Variants in DGKB observed in about 807,000 individuals in gnomAD.
DGKB encodes 90 kDa diacylglycerol kinase.
DGKB carries 67 observed loss-of-function variants against 114.3 expected under a neutral mutation model. The ratio of observed to expected loss-of-function variants is 0.59; its 90% CI spans 0.48 to 0.72. The LOEUF (loss-of-function observed/expected upper bound fraction) is 0.72, where lower values mean the gene tolerates loss of function less well. Among genes scored for constraint, DGKB ranks in the 30% least tolerant of loss-of-function variants. The pLI is 0.00. For missense variants in DGKB, 907 were observed against 975.2 expected, an observed-to-expected ratio of 0.93 and a Z score of 0.93; for synonymous variants, 398 against 323.1, an observed-to-expected ratio of 1.23 and a Z score of -2.49.
At chr7:14,814,787 A>G (rs970475560) in intron 2 of DGKB, among the ~76,000 whole-genome samples, 14 of 152,098 alleles carry the variant, frequency 9.2e-5, no homozygotes, top group African/African-American at 3.4e-4. Context: ...TTATCCTTCA[A>G]ATTCTAAAAT....
intron 23 of DGKB, among the ~76,000 whole-genome samples, chr7:14,233,971 G>A (rs2128347079): frequency 6.6e-6 from 1 of 152,168 alleles, no homozygotes; most frequent in Non-Finnish European, 1.5e-5. Context: ...AGAGTGAGAA[G>A]TGCACCTGTT....
At chr7:14,745,606 C>G (rs1452369750) in intron 4 of DGKB, among the ~76,000 whole-genome samples, 2 of 152,134 alleles carry the variant, frequency 1.3e-5, no homozygotes, top group African/African-American at 2.4e-5. Flanking sequence ...ACTAAGGGCC[C>G]ACATGTGCAC....
chr7:14,723,513 T>C (rs1192917130), intron 5 of DGKB, among the ~76,000 whole-genome samples: 2 of 152,126 alleles, frequency 1.3e-5, no homozygotes, highest in Non-Finnish European at 2.9e-5. Context: ...CCCTAGGCTA[T>C]ACTACTTTAA....
chr7:14,221,271 G>C (rs1238310784), intron 23 of DGKB, among the ~76,000 whole-genome samples: 1 of 151,170 alleles, frequency 6.6e-6, no homozygotes, highest in African/African-American at 2.4e-5. Flanking sequence ...TCTGAATAAA[G>C]CATCTAGTAT....
At chr7:14,642,964 G>A (rs1249135077) in intron 13 of DGKB, among the ~76,000 whole-genome samples, 1 of 152,112 alleles carries the variant, frequency 6.6e-6, no homozygotes, top group East Asian at 1.9e-4. Context: ...ATGGCTATAT[G>A]TTTAAGATTT....
intron 1 of DGKB, among the ~76,000 whole-genome samples, chr7:14,859,978 C>T (rs1445093673): frequency 1.3e-5 from 2 of 151,968 alleles, no homozygotes; most frequent in Admixed American, 6.6e-5. Flanking sequence ...AAGTTTTCTT[C>T]TTAAGAAATA....
chr7:14,814,521 A>T (rs1843847413), intron 2 of DGKB, among the ~76,000 whole-genome samples: 2 of 152,280 alleles, frequency 1.3e-5, no homozygotes, highest in African/African-American at 2.4e-5. Flanking sequence ...AGAATTTTTT[A>T]AATTAATTTT....
intron 13 of DGKB, among the ~76,000 whole-genome samples, chr7:14,660,753 C>G (rs1342025900): frequency 1.3e-5 from 2 of 151,902 alleles, no homozygotes; most frequent in African/African-American, 4.8e-5. Flanking sequence ...CAAGTCAATC[C>G]TGAGCCAAAA....
chr7:14,467,472 A>G lies in DGKB; in HGVS notation c.1835+10689T>C, dbSNP rs1780651245. Among the ~76,000 whole-genome samples the G allele has an allele frequency of 2.0e-5, 3 of 151,664 alleles. No homozygotes were observed. The South Asian group carries it at 6.2e-4, about 31-fold the overall frequency. On this transcript the variant is annotated intron_variant, in intron 21 of 25. Coordinates refer to ENST00000402815, the MANE Select transcript of DGKB (RefSeq NM_001350709.2). ...ACAGACAAATATATGTACGCATATTATATATATACTTATATAAAACATAAC... is the reference window on the plus strand; with the variant it reads ...ACAGACAAATATATGTACGCATATTGTATATATACTTATATAAAACATAAC...
At chr7:14,847,085 T>C (rs1258720907) in intron 1 of DGKB, among the ~76,000 whole-genome samples, 4 of 151,884 alleles carry the variant, frequency 2.6e-5, no homozygotes, top group Non-Finnish European at 4.4e-5. Context: ...GGTCAGGAGA[T>C]CGAGACCATC....
chr7:14,775,223 T>C (rs905016679), intron 2 of DGKB, among the ~76,000 whole-genome samples: 5 of 151,750 alleles, frequency 3.3e-5, no homozygotes, highest in African/African-American at 7.2e-5. Flanking sequence ...TTAATATATA[T>C]ATATTCATAC....
chr7:14,838,131 G>A (rs562807692), intron 2 of DGKB, among the ~76,000 whole-genome samples: 167 of 151,972 alleles, frequency 1.1e-3, no homozygotes, highest in African/African-American at 3.8e-3. Flanking sequence ...CTTGTTTTAG[G>A]AATTTTCACA....
chr7:14,315,149 G>A (rs1234912787), intron 23 of DGKB, among the ~76,000 whole-genome samples: 1 of 143,144 alleles, frequency 7.0e-6, no homozygotes, highest in Non-Finnish European at 1.5e-5. Flanking sequence ...ACATGGAAAG[G>A]AACAACCGGT....
chr7:14,682,473 G>A (rs1821001609), intron 12 of DGKB, 80 bp downstream of exon 12: 13 of 938,054 alleles, frequency 1.4e-5, no homozygotes, highest in African/African-American at 3.3e-5. Context: ...AGCCCTTCTA[G>A]GGTAGGACTT....
intron 4 of DGKB, among the ~76,000 whole-genome samples, chr7:14,736,561 A>T (rs974991314): frequency 2.0e-5 from 3 of 152,228 alleles, no homozygotes; most frequent in Non-Finnish European, 4.4e-5. Flanking sequence ...TCAGGCGATC[A>T]CTGTGAACAA....
rs190021942 is a variant in DGKB, at chr7:14,429,813, C to T, written c.1835+48348G>A. Reference sequence around the variant, plus strand: ...GTGTGTGCCTGTAATCCCAGCTACTCGGAAGCCTGAGGCAGGAGAATTGCT... The same window carrying T: ...GTGTGTGCCTGTAATCCCAGCTACTTGGAAGCCTGAGGCAGGAGAATTGCT... On this transcript the variant is annotated intron_variant, in intron 21 of 25. Coordinates refer to ENST00000402815, the MANE Select transcript of DGKB (RefSeq NM_001350709.2). 6.8e-3 allele frequency among the ~76,000 whole-genome samples: 1,030 copies of T among 152,098 alleles called. 9 individuals carry two copies. Among genetic ancestry groups the T allele is most frequent in the South Asian group, 0.013 (61 of 4,808 alleles).
intron 12 of DGKB, 100 bp from the exon 13 acceptor site, chr7:14,673,127 T>C: frequency 1.5e-6 from 1 of 654,634 alleles, no homozygotes. Context: ...ACATTAAAAG[T>C]ACAATAAAGA....
chr7:14,565,688 G>T (rs996549446), intron 20 of DGKB, among the ~76,000 whole-genome samples: 1 of 151,918 alleles, frequency 6.6e-6, no homozygotes, highest in Non-Finnish European at 1.5e-5. Context: ...GGACACTGTC[G>T]ATTTTATTTT....
At chr7:14,672,472 A>C (rs1224191365) in intron 13 of DGKB, among the ~76,000 whole-genome samples, 2 of 152,036 alleles carry the variant, frequency 1.3e-5, no homozygotes, top group South Asian at 2.1e-4. Context: ...TTTAAAAAAC[A>C]GCTAATAGCA....
Sources: allele counts gnomAD v4.1 joint callset (sites outside exome capture counted in the v4.1 genomes callset), GRCh38; gene constraint gnomAD v4.1.1; transcripts MANE v1.5; gene names NCBI Gene and HGNC (gene_info 2026-07-23, HGNC 2026-07-21).